SORBS3: variants seen among roughly 807,000 people sequenced by gnomAD.
The protein encoded by SORBS3 is vinexin.
SORBS3 carries 69 observed loss-of-function variants against 98.0 expected under a neutral mutation model. That is an observed-to-expected ratio of 0.70 (90% CI 0.58 to 0.86). The LOEUF is 0.86. Ranked by LOEUF, SORBS3 falls within the 40% of genes least tolerant of loss-of-function variation. The pLI is 0.00. For synonymous variants in SORBS3, 394 were observed against 355.4 expected (o/e 1.11, Z -1.22); for missense variants, 954 against 908.5 (o/e 1.05, Z -0.64).
intron 5 of SORBS3, among the ~76,000 whole-genome samples, chr8:22,559,004 G>A (rs1332264697): frequency 1.3e-5 from 2 of 152,228 alleles, no homozygotes; most frequent in South Asian, 2.1e-4. Context: ...CAGGGTACGT[G>A]GGGCCTTGTG....
chr8:22,554,817 C>A lies in SORBS3; in HGVS notation c.103-46C>A. 2.1e-6 allele frequency: 3 copies of A among 1,460,434 alleles called. No individual in the cohort carries two copies. Among genetic ancestry groups the A allele is most frequent in the Non-Finnish European group, 1.9e-6 (2 of 1,045,356 alleles). 90.5% of individuals were successfully genotyped at this position (1,460,434 alleles called of 1,614,324 possible). On this transcript the variant is annotated intron_variant, in intron 2 of 20. Transcript: ENST00000240123. The surrounding 1 kb of genome is among the most constrained non-coding windows in gnomAD (Gnocchi z 6.5). ...TGTGCCTAGTAGCCATCCCTCCCTC[C>A]CGCCCTGCTGGGCCCTGAGCTGCCG...
At chr8:22,545,401 A>G (rs1840006144) in intron 1 of SORBS3, 1 of 152,310 alleles carries the variant, frequency 6.6e-6, no homozygotes, top group Non-Finnish European at 1.5e-5. Context: ...GGGAGCCTAT[A>G]TTACATTGGG....
intron 5 of SORBS3, chr8:22,560,834 T>TGC (rs1840276636): frequency 1.9e-5 from 1 of 51,466 alleles, no homozygotes; most frequent in Admixed American, 1.7e-4. Context: ...AGCGCATGCG[T>TGC]GTGTGTGTGT....
At chr8:22,558,021 G>A in intron 4 of SORBS3, 108 bp from the exon 5 acceptor site, 1 of 986,888 alleles carries the variant, frequency 1.0e-6, no homozygotes, top group Non-Finnish European at 1.6e-6. Context: ...CACCTATGGG[G>A]GGTTCAGGGA....
chr8:22,561,489 A>G (rs763591509), intron 6 of SORBS3, 116 bp downstream of exon 6: 4 of 1,131,446 alleles, frequency 3.5e-6, no homozygotes, highest in Admixed American at 3.9e-5. Context: ...GCTCAGTTCA[A>G]CCTGAGAGGT....
chr8:22,571,185 C>T lies in SORBS3; in HGVS notation c.1707C>T (p.Phe569=), dbSNP rs111727569. 32 of 1,572,940 alleles carry T rather than the reference C, an allele frequency of 2.0e-5. 1 individual carries two copies. Among genetic ancestry groups the T allele is most frequent in the African/African-American group, 2.0e-4 (15 of 74,500 alleles). Residue 569 remains phenylalanine (F), a synonymous_variant, in exon 18 of 21, where the codon TTC becomes TTT. Transcript: ENST00000240123. ...GGQTSPRRTG[F]SFPTQEPRPQ... ...AGACCTCCCCCCGTCGCACTGGCTT[C>T]TCCTTCCCCACCCAGGAGCCTAGAC...
In SORBS3 at chr8:22,574,255, G is replaced by A. The variant is rs534865868; in HGVS notation, c.1955-412G>A. 2.6e-5 allele frequency among the ~76,000 whole-genome samples: 4 copies of A among 152,250 alleles called. No individual in the cohort carries two copies. The East Asian group carries it at 7.7e-4, about 29-fold the overall frequency. On this transcript the variant is annotated intron_variant, in intron 20 of 20. Coordinates refer to ENST00000240123, the MANE Select transcript of SORBS3 (RefSeq NM_005775.5). Reference sequence around the variant, plus strand: ...AGTCCCAAGCTTACTCCTAAGCGTCGGGGTGCTCTCGGGCAATGCATTCAG... The same window carrying A: ...AGTCCCAAGCTTACTCCTAAGCGTCAGGGTGCTCTCGGGCAATGCATTCAG...
chr8:22,573,675 G>A (rs1041704295), intron 20 of SORBS3, among the ~76,000 whole-genome samples: 1 of 152,078 alleles, frequency 6.6e-6, no homozygotes, highest in South Asian at 2.1e-4. Context: ...GGACGAGGGT[G>A]GGGGTGGGAC....
intron 8 of SORBS3, 45 bp downstream of exon 8, chr8:22,564,122 G>A (rs776519347): frequency 2.6e-6 from 4 of 1,568,106 alleles, no homozygotes; most frequent in East Asian, 2.2e-5. Flanking sequence ...GCTGTATGCC[G>A]TATGGCCAAG....
chr8:22,546,478 A>G (rs934141762), intron 1 of SORBS3, among the ~76,000 whole-genome samples: 4 of 152,172 alleles, frequency 2.6e-5, no homozygotes, highest in Non-Finnish European at 4.4e-5. Flanking sequence ...TTCATTTTAA[A>G]GCAGCTATGG....
chr8:22,565,766 G>T, intron 11 of SORBS3, 60 bp from the exon 12 acceptor site: 2 of 1,295,998 alleles, frequency 1.5e-6, no homozygotes, highest in Non-Finnish European at 9.8e-7. Context: ...GGAGGCGGCG[G>T]CCTCGGCTGC....
chr8:22,572,206 C>G (rs1358989519), intron 19 of SORBS3, 134 bp from the exon 20 acceptor site: 3 of 731,130 alleles, frequency 4.1e-6, no homozygotes, highest in East Asian at 2.6e-5. Flanking sequence ...TGAGCACAGG[C>G]TGAGTTGCTC....
upstream of SORBS3, among the ~76,000 whole-genome samples, chr8:22,551,252 CGT>C (rs752084546): frequency 3.7e-4 from 56 of 152,306 alleles, no homozygotes; most frequent in Admixed American, 7.2e-4. This position sits in a 1 kb window ranked among gnomAD's most constrained non-coding sequence, Gnocchi z 5.8. Context: ...TGTACGCGCG[CGT>C]GTTTGTTTGC....
rs1171903133 is a variant in SORBS3 at position 22,572,443 on chromosome 8, G to T, written c.1951G>T (p.Val651Leu). 4 of 1,612,698 alleles carry T rather than the reference G, an allele frequency of 2.5e-6. No homozygotes were observed. In the African/African-American group the frequency reaches 5.3e-5, roughly 21 times the overall value. ...VMQQCDDGWF[V>L]GVSRRTQKFG... ...GCAGCAGTGTGACGATGGCTGGTTT[G>T]TGGGTATGTGGGCAGGCCGGGAGGG... The change falls in exon 20 of 21, where the codon GTG becomes TTG. Residue 651 changes from valine (V) to leucine (L), a missense_variant. Coordinates refer to ENST00000240123, the MANE Select transcript of SORBS3 (RefSeq NM_005775.5).
chr8:22,546,695 T>C (rs1382207099), intron 1 of SORBS3, among the ~76,000 whole-genome samples: 1 of 152,240 alleles, frequency 6.6e-6, no homozygotes, highest in Non-Finnish European at 1.5e-5. Context: ...ACTGTGCATG[T>C]GATCCTAATA....
Position 22,569,252 on chromosome 8 carries a change from G to C in SORBS3, c.1410G>C (p.Glu470Asp), listed in dbSNP as rs1481887407. ...VAQYTFKGDLEVELSFRKGEH... is the reference protein window; with the variant it reads ...VAQYTFKGDLDVELSFRKGEH... The stretch of plus-strand genomic sequence containing the variant: ...AGTACACCTTCAAGGGGGACCTGGA[G>C]GTGGAGCTGTCCTTCCGCAAGGTGG... The change falls in exon 17 of 21, where the codon GAG becomes GAC. Residue 470 changes from glutamate to aspartate, a missense_variant. Transcript: ENST00000240123. 1 of 1,601,442 alleles carries C rather than the reference G, an allele frequency of 6.2e-7. No individual in the cohort carries two copies. Among genetic ancestry groups the C allele is most frequent in the South Asian group, 1.1e-5 (1 of 89,254 alleles).
At position 22,554,177 on chromosome 8, in the gene SORBS3, C is replaced by T. The variant is rs1488605951; in HGVS notation, c.-55-275C>T. On this transcript the variant is annotated intron_variant, in intron 1 of 20. Coordinates refer to ENST00000240123, the MANE Select transcript of SORBS3 (RefSeq NM_005775.5). The surrounding 1 kb of genome is among the most constrained non-coding windows in gnomAD (Gnocchi z 6.5). ...CACGGGCTCCTGGCCAGCCCCTCCC[C>T]TCCTCCTCACCCAAGCTCCCCCTCC... 3 of 239,050 alleles carry T rather than the reference C, an allele frequency of 1.3e-5. No homozygotes were observed. The highest frequency in any genetic ancestry group is 2.5e-5 in the Non-Finnish European group (3 of 122,366). The allele number at this position is 239,050 out of a possible 1,614,324, so 14.8% of individuals were successfully genotyped here. A position where few individuals can be genotyped will look rare whatever the true frequency, so the allele number is the denominator to read the frequency against.
At chr8:22,567,040 G>T (rs375964146) in intron 15 of SORBS3, 21 bp from the exon 16 acceptor site, 2 of 1,595,514 alleles carry the variant, frequency 1.3e-6, no homozygotes, top group Non-Finnish European at 1.7e-6. Context: ...CTTACCCTGC[G>T]GTCCTCGTCC....
upstream of SORBS3, among the ~76,000 whole-genome samples, chr8:22,547,326 C>CT (rs1435292442): frequency 1.4e-4 from 16 of 113,986 alleles, no homozygotes; most frequent in South Asian, 3.5e-3. Flanking sequence ...CATGGTCTTG[C>CT]CTTTTTTTTT....
Sources: allele counts gnomAD v4.1 joint callset (sites outside exome capture counted in the v4.1 genomes callset), GRCh38; gene constraint gnomAD v4.1.1; non-coding constraint Gnocchi (gnomAD v3.1); transcripts MANE v1.5; gene names NCBI Gene and HGNC (gene_info 2026-07-23, HGNC 2026-07-21).